Variants in SLITRK2 observed in about 807,000 individuals in gnomAD.
The protein encoded by SLITRK2 is SLIT and NTRK like family member 2, also known as SLIT and NTRK-like protein 2.
A neutral mutation model predicts 35.4 loss-of-function variants in SLITRK2; 13 were observed. That is an observed-to-expected ratio of 0.37 (90% confidence interval 0.24 to 0.58). SLITRK2 has a LOEUF of 0.58. Ranked by LOEUF, SLITRK2 falls within the 20% of genes least tolerant of loss-of-function variation. The probability of loss-of-function intolerance (pLI) is 0.75; values close to 1 mark genes in which losing one functional copy is unlikely to be tolerated. For synonymous variants in SLITRK2, 294 were observed against 264.7 expected, an observed-to-expected ratio of 1.11 and a Z score of -1.07; for missense variants, 471 against 634.3, an observed-to-expected ratio of 0.74 and a Z score of 2.76.
rs1487822515 is a variant in SLITRK2 at position 145,825,748 on chromosome X, A to G, written c.*785A>G. 2 of 122,957 alleles carry G rather than the reference A, an allele frequency of 1.6e-5. No homozygotes were observed. Among genetic ancestry groups the G allele is most frequent in the Non-Finnish European group, 3.8e-5 (2 of 53,169 alleles). The allele number at this position is 122,957 out of a possible 1,213,427, so 10.1% of individuals were successfully genotyped here. On this transcript the variant is annotated 3_prime_UTR_variant, in exon 5 of 5. Coordinates refer to ENST00000335565, the MANE Select transcript of SLITRK2 (RefSeq NM_032539.5). ...CTTTCCTCTGGGTTTAAGTGATTTTATTTAAGTCAACTAAGGGGATTTAAC... is the reference window on the plus strand; with the variant it reads ...CTTTCCTCTGGGTTTAAGTGATTTTGTTTAAGTCAACTAAGGGGATTTAAC...
In SLITRK2 at chrX:145,829,652, G is replaced by C. The variant is rs782046692; in HGVS notation, c.*4689G>C. 8.1e-6 allele frequency: 1 copy of C among 123,471 alleles called. No individual in the cohort carries two copies. Among genetic ancestry groups the C allele is most frequent in the East Asian group, 2.8e-4 (1 of 3,606 alleles). The allele number at this position is 123,471 out of a possible 1,213,427, so 10.2% of individuals were successfully genotyped here. A position where few individuals can be genotyped will look rare whatever the true frequency, so the allele number is the denominator to read the frequency against. ...TTCCATAAAGTGCTCAGAGTCACAG[G>C]TTTTATAATAAATTATGTTATTATG... On this transcript the variant is annotated 3_prime_UTR_variant, in exon 5 of 5. Coordinates refer to ENST00000335565, the MANE Select transcript of SLITRK2 (RefSeq NM_032539.5).
rs2124179913 is a variant in SLITRK2 at position 145,823,628 on chromosome X, G to A, written c.1203G>A (p.Leu401=). 1 of 1,211,544 alleles carries A rather than the reference G, an allele frequency of 8.3e-7. No homozygotes were observed. The highest frequency in any genetic ancestry group is 1.8e-5 in the South Asian group (1 of 56,922). The change falls in exon 5 of 5, where the codon TTG becomes TTA. Residue 401 remains leucine (L), a synonymous_variant. Transcript: ENST00000335565. Reference sequence around the variant, plus strand: ...ATGACCTCTTAGAATACAGTTCTTTGGACTTACTGCACTTAGGAAACAACA... The same window carrying A: ...ATGACCTCTTAGAATACAGTTCTTTAGACTTACTGCACTTAGGAAACAACA... ...YKNDLLEYSS[L]DLLHLGNNRI... is the part of the protein sequence containing the mutation.
rs139050061 is a variant in SLITRK2 at position 145,824,915 on chromosome X, G to A, written c.2490G>A (p.Pro830=). The change falls in exon 5 of 5, where the codon CCG becomes CCA. Residue 830 remains proline (P), a synonymous_variant. Transcript: ENST00000335565. The part of the protein sequence containing the change: ...PLLQAKPQSE[P]DYLEVLEKQT... ...TGCAAGCTAAGCCGCAATCAGAACCGGACTACCTCGAAGTTCTGGAAAAAC... is the reference window on the plus strand; with the variant it reads ...TGCAAGCTAAGCCGCAATCAGAACCAGACTACCTCGAAGTTCTGGAAAAAC... The A allele has an allele frequency of 4.1e-6, 5 of 1,208,012 alleles. No homozygotes were observed. The highest frequency in any genetic ancestry group is 4.4e-5 in the Admixed American group (2 of 45,407).
chrX:145,827,883 T>C lies in SLITRK2; in HGVS notation c.*2920T>C, dbSNP rs782450510. ...TTTATCTTCCACAGCTGGATATTGC[T>C]ATTTCACTTTTATTTCACATGCAGC... On this transcript the variant is annotated 3_prime_UTR_variant, in exon 5 of 5. Transcript: ENST00000335565. 4.2e-5 allele frequency: 51 copies of C among 1,209,963 alleles called. No homozygotes were observed. The East Asian group carries it at 1.5e-3, about 36-fold the overall frequency.
chrX:145,825,511 G>A lies in SLITRK2; in HGVS notation c.*548G>A, dbSNP rs1440494605. On this transcript the variant is annotated 3_prime_UTR_variant, in exon 5 of 5. Coordinates refer to ENST00000335565, the MANE Select transcript of SLITRK2 (RefSeq NM_032539.5). ...CACTACTTTGTGTTAAAGTGCCTTC[G>A]CACTTTAAGTACATTACTTAAATGT... 1 of 123,129 alleles carries A rather than the reference G, an allele frequency of 8.1e-6. No homozygotes were observed. The highest frequency in any genetic ancestry group is 1.9e-5 in the Non-Finnish European group (1 of 53,277). The allele number at this position is 123,129 out of a possible 1,213,427, so 10.1% of individuals were successfully genotyped here.
In SLITRK2 at chrX:145,824,861, G is replaced by A. The variant is rs2124215048; in HGVS notation, c.2436G>A (p.Val812=). The A allele has an allele frequency of 1.7e-6, 2 of 1,211,603 alleles. No individual in the cohort carries two copies. The highest frequency in any genetic ancestry group is 1.8e-5 in the South Asian group (1 of 56,985). ...ATGGAACTCCCAGGAAATGCTTTGT[G>A]GGGCAGTCAAAACCCAACCACCCTT... ...VLYGTPRKCF[V]GQSKPNHPLL... The change falls in exon 5 of 5, where the codon GTG becomes GTA. Residue 812 remains valine, a synonymous_variant. Coordinates refer to ENST00000335565, the MANE Select transcript of SLITRK2 (RefSeq NM_032539.5).
At position 145,824,469 on chromosome X, in the gene SLITRK2, G is replaced by A. The variant is rs2073084736; in HGVS notation, c.2044G>A (p.Gly682Ser). The change falls in exon 5 of 5, where the codon GGC becomes AGC. Residue 682 changes from glycine (G) to serine (S), a missense_variant. By Grantham distance (56) the Gly-to-Ser change is moderately conservative. This residue lies in a region of SLITRK2 where 190 missense variants were observed against 199.3 expected (regional missense o/e 0.95). Transcript: ENST00000335565. ...YNTETHDKTD[G>S]HVYNYIPPPV... ...CACTGAGACTCACGATAAAACAGAC[G>A]GCCATGTCTACAACTATATCCCCCC... 8.3e-7 allele frequency: 1 copy of A among 1,211,173 alleles called. No individual in the cohort carries two copies. Among genetic ancestry groups the A allele is most frequent in the Non-Finnish European group, 1.1e-6 (1 of 895,351 alleles).
Position 145,825,957 on chromosome X carries a change from A to AT in SLITRK2, c.*999dup, listed in dbSNP as rs1326515684. Reference sequence around the variant, plus strand: ...AAGAACGTGACACAGCTAGTAATATATTTTTCTGCATTGAATTAGATATTT... The same window carrying AT: ...AAGAACGTGACACAGCTAGTAATATATTTTTTCTGCATTGAATTAGATATTT... On this transcript the variant is annotated 3_prime_UTR_variant, in exon 5 of 5. Transcript: ENST00000335565. The AT allele has an allele frequency of 8.7e-6, 1 of 115,585 alleles. No homozygotes were observed. Among genetic ancestry groups the AT allele is most frequent in the Non-Finnish European group, 1.9e-5 (1 of 53,188 alleles). 9.5% of individuals were successfully genotyped at this position (115,585 alleles called of 1,213,427 possible).
rs987817188 is a variant in SLITRK2, at chrX:145,823,713, C to A, written c.1288C>A (p.Leu430Met). The change falls in exon 5 of 5, where the codon CTG (leucine) becomes ATG (methionine). Residue 430 changes from leucine (L) to methionine (M), a missense_variant. By Grantham distance (15) the Leu-to-Met change is conservative. Transcript: ENST00000335565. ...CCTGACCAGTTTACGCAGACTTTAT[C>A]TGAATGGCAATTACCTTGAAGTGCT... ...TNLTSLRRLY[L>M]NGNYLEVLYP... is the part of the protein sequence containing the mutation. 1 of 1,211,633 alleles carries A rather than the reference C, an allele frequency of 8.3e-7. No individual in the cohort carries two copies. The highest frequency in any genetic ancestry group is 1.1e-6 in the Non-Finnish European group (1 of 895,384).
chrX:145,826,579 A>G lies in SLITRK2; in HGVS notation c.*1616A>G, dbSNP rs189527102. ...AAACGTGATTGTGTGATTTAAACAA[A>G]CAGCCCTTCTTTACAACAAAAAATA... is the stretch of plus-strand genomic sequence containing the variant. On this transcript the variant is annotated 3_prime_UTR_variant, in exon 5 of 5. Transcript: ENST00000335565. The G allele has an allele frequency of 8.9e-6, 1 of 112,428 alleles. No individual in the cohort carries two copies. Among genetic ancestry groups the G allele is most frequent in the Admixed American group, 9.4e-5 (1 of 10,596 alleles). 9.3% of individuals were successfully genotyped at this position (112,428 alleles called of 1,213,427 possible).
chrX:145,825,156 C>T lies in SLITRK2; in HGVS notation c.*193C>T. The stretch of plus-strand genomic sequence containing the variant: ...TTTCCTTTAAATTATTTCTCTCTCG[C>T]TCTCCTCCCCTCCTTTTTTTTTTTT... On this transcript the variant is annotated 3_prime_UTR_variant, in exon 5 of 5. Transcript: ENST00000335565. 3.0e-6 allele frequency: 1 copy of T among 329,201 alleles called. No individual in the cohort carries two copies. Among genetic ancestry groups the T allele is most frequent in the Non-Finnish European group, 5.0e-6 (1 of 198,140 alleles). The allele number at this position is 329,201 out of a possible 1,213,427, so 27.1% of individuals were successfully genotyped here.
chrX:145,819,729 A>G (rs912143129), intron 1 of SLITRK2: 5 of 111,931 alleles, frequency 4.5e-5, no homozygotes, highest in African/African-American at 1.6e-4. Flanking sequence ...GGCCATCCAC[A>G]GGGCTGTCCC....
Position 145,822,467 on chromosome X carries a change from C to T in SLITRK2, c.42C>T (p.Ala14=), listed in dbSNP as rs2124146896. Reference sequence around the variant, plus strand: ...GGTTCCTCAGTGTGTTAACCGTGGCCGGGATCTTACAGACAGAGAGTCGCA... The same window carrying T: ...GGTTCCTCAGTGTGTTAACCGTGGCTGGGATCTTACAGACAGAGAGTCGCA... ...GVWFLSVLTV[A]GILQTESRKT... is the part of the protein sequence containing the mutation. The change falls in exon 5 of 5, where the codon GCC becomes GCT. Residue 14 remains alanine, a synonymous_variant. Transcript: ENST00000335565. 3 of 1,210,201 alleles carry T rather than the reference C, an allele frequency of 2.5e-6. No individual in the cohort carries two copies. Among genetic ancestry groups the T allele is most frequent in the East Asian group, 3.0e-5 (1 of 33,794 alleles).
At position 145,827,661 on chromosome X, in the gene SLITRK2, T is replaced by A; in HGVS notation, c.*2698T>A. On this transcript the variant is annotated 3_prime_UTR_variant, in exon 5 of 5. Coordinates refer to ENST00000335565, the MANE Select transcript of SLITRK2 (RefSeq NM_032539.5). ...TTATACTTAATTTGCAGTAGATTTT[T>A]AAATGAAATTATTTGAATGTATTCC... The A allele has an allele frequency of 1.9e-6, 2 of 1,058,335 alleles. No homozygotes were observed. Among genetic ancestry groups the A allele is most frequent in the Non-Finnish European group, 2.5e-6 (2 of 794,559 alleles). 87.2% of individuals were successfully genotyped at this position (1,058,335 alleles called of 1,213,427 possible).
In SLITRK2 at chrX:145,828,151, G is replaced by C; in HGVS notation, c.*3188G>C. 1 of 563,713 alleles carries C rather than the reference G, an allele frequency of 1.8e-6. No individual in the cohort carries two copies. Among genetic ancestry groups the C allele is most frequent in the Non-Finnish European group, 2.7e-6 (1 of 370,813 alleles). 46.5% of individuals were successfully genotyped at this position (563,713 alleles called of 1,213,427 possible). On this transcript the variant is annotated 3_prime_UTR_variant, in exon 5 of 5. Coordinates refer to ENST00000335565, the MANE Select transcript of SLITRK2 (RefSeq NM_032539.5). Reference sequence around the variant, plus strand: ...AACACAATTGCTAAGAGCCTAATTTGGTTCTGGACTATGGTCAACCTGTGT... The same window carrying C: ...AACACAATTGCTAAGAGCCTAATTTCGTTCTGGACTATGGTCAACCTGTGT...
chrX:145,822,917 C>A lies in SLITRK2; in HGVS notation c.492C>A (p.Ile164=). 8.3e-7 allele frequency: 1 copy of A among 1,211,559 alleles called. No homozygotes were observed. The highest frequency in any genetic ancestry group is 1.1e-6 in the Non-Finnish European group (1 of 895,517). ...FSKLNKLKVL[I]LNDNLLLSLP... ...AACTTAACAAGCTCAAAGTGCTCAT[C>A]CTGAATGACAACCTTCTGCTTTCAC... Residue 164 remains isoleucine, a synonymous_variant, in exon 5 of 5, where the codon ATC becomes ATA. Transcript: ENST00000335565.
At chrX:145,822,326 G>C (rs1370141176) in intron 4 of SLITRK2, 57 bp from the exon 5 acceptor site, 2 of 713,443 alleles carry the variant, frequency 2.8e-6, no homozygotes, top group Non-Finnish European at 2.1e-6. Context: ...ATTTTTAATC[G>C]GGCTTCCTTG....
rs1556943905 is a variant in SLITRK2 at position 145,822,788 on chromosome X, G to A, written c.363G>A (p.Lys121=). The A allele has an allele frequency of 1.7e-6, 2 of 1,208,633 alleles. No homozygotes were observed. Among genetic ancestry groups the A allele is most frequent in the Admixed American group, 4.4e-5 (2 of 45,659 alleles). Reference sequence around the variant, plus strand: ...AAAGACTGCATCTCAACAACAACAAGCTTGAGATATTGAGGGAGGACACCT... The same window carrying A: ...AAAGACTGCATCTCAACAACAACAAACTTGAGATATTGAGGGAGGACACCT... ...TLKRLHLNNN[K]LEILREDTFL... Residue 121 remains lysine, a synonymous_variant, in exon 5 of 5, where the codon AAG becomes AAA. Coordinates refer to ENST00000335565, the MANE Select transcript of SLITRK2 (RefSeq NM_032539.5).
In SLITRK2 at chrX:145,823,277, G is replaced by T. The variant is rs2124169948; in HGVS notation, c.852G>T (p.Arg284Ser). 8.3e-7 allele frequency: 1 copy of T among 1,211,621 alleles called. No individual in the cohort carries two copies. Among genetic ancestry groups the T allele is most frequent in the Non-Finnish European group, 1.1e-6 (1 of 895,529 alleles). ...GCCATGCTGACACCCACGTCCAAAG[G>T]CTGTCACCTACAATGAATCCTGCTC... ...RGSHADTHVQ[R>S]LSPTMNPALN... Residue 284 changes from arginine to serine, a missense_variant, in exon 5 of 5, where the codon AGG (arginine) becomes AGT (serine). Transcript: ENST00000335565.
Sources: allele counts gnomAD v4.1 joint callset, GRCh38; gene constraint gnomAD v4.1.1; regional missense constraint gnomAD v4.1.1; transcripts MANE v1.5; gene names NCBI Gene and HGNC (gene_info 2026-07-23, HGNC 2026-07-21).